ANKRD22: variants seen among roughly 807,000 people sequenced by gnomAD.
ANKRD22 encodes the protein ankyrin repeat domain 22, also known as ankyrin repeat domain-containing protein 22.
ANKRD22 carries 24 observed loss-of-function variants against 25.7 expected under a neutral mutation model. The ratio of observed to expected loss-of-function variants is 0.93; its 90% CI spans 0.68 to 1.31. ANKRD22 has a LOEUF of 1.31. Among genes scored for constraint, ANKRD22 ranks in the 50% most tolerant of loss-of-function variants. The pLI is 0.00. For synonymous variants in ANKRD22, 84 were observed against 84.3 expected, an observed-to-expected ratio of 1.00 and a Z score of 0.02; for missense variants, 214 against 227.1, an observed-to-expected ratio of 0.94 and a Z score of 0.37.
chr10:88,823,817 G>C (rs1471286732), intron 4 of ANKRD22, among the ~76,000 whole-genome samples: 4 of 79,762 alleles, frequency 5.0e-5, no homozygotes, highest in Non-Finnish European at 8.4e-5. Context: ...GACAGAGCGA[G>C]ACTCCGTCTC....
chr10:88,827,254 C>T (rs558587025), intron 3 of ANKRD22, among the ~76,000 whole-genome samples: 1 of 152,314 alleles, frequency 6.6e-6, no homozygotes, highest in African/African-American at 2.4e-5. Flanking sequence ...CCTCCCCTAT[C>T]ATTTCCTCTC....
At chr10:88,836,106 G>A (rs2133076280) in intron 1 of ANKRD22, among the ~76,000 whole-genome samples, 1 of 152,184 alleles carries the variant, frequency 6.6e-6, no homozygotes, top group East Asian at 1.9e-4. Flanking sequence ...CAAGACTATT[G>A]CACACAATTC....
intron 1 of ANKRD22, among the ~76,000 whole-genome samples, chr10:88,839,377 T>A (rs1219231372): frequency 6.6e-6 from 1 of 152,176 alleles, no homozygotes; most frequent in African/African-American, 2.4e-5. Flanking sequence ...AAAGTGCCCC[T>A]CAGTGGGCCA....
At chr10:88,841,410 G>T (rs779109952) in intron 1 of ANKRD22, among the ~76,000 whole-genome samples, 47 of 152,084 alleles carry the variant, frequency 3.1e-4, no homozygotes, top group Non-Finnish European at 4.7e-4. Flanking sequence ...AACCTTTGTG[G>T]TCTTCTTCCA....
At chr10:88,851,038 T>C (rs561241477) in intron 1 of ANKRD22, among the ~76,000 whole-genome samples, 2 of 152,210 alleles carry the variant, frequency 1.3e-5, no homozygotes, top group Middle Eastern at 6.8e-3. Context: ...CAAGTAAAAG[T>C]ACCTCAGTAT....
chr10:88,831,889 C>T lies in ANKRD22; in HGVS notation c.159G>A (p.Val53=), dbSNP rs765308788. ...PLICACRRGH[V]RIVSFLLRRN... The stretch of plus-strand genomic sequence containing the variant: ...TTCTTAAAAGGAAGGAAACGATTCT[C>T]ACATGCCCTCGCCTGCAAGCACAGA... The change falls in exon 2 of 6, where the codon GTG becomes GTA. Residue 53 remains valine (V), a synonymous_variant. Transcript: ENST00000371930. 2.5e-6 allele frequency: 4 copies of T among 1,612,888 alleles called. No homozygotes were observed. The highest frequency in any genetic ancestry group is 1.1e-5 in the South Asian group (1 of 90,856).
intron 4 of ANKRD22, chr10:88,823,633 C>T: frequency 5.7e-6 from 2 of 348,120 alleles, no homozygotes; most frequent in Non-Finnish European, 1.1e-5. Context: ...CGAGACCGTC[C>T]TGGCTAACAC....
chr10:88,824,011 C>T lies in ANKRD22; in HGVS notation c.400-633G>A, dbSNP rs943207420. Among the ~76,000 whole-genome samples, 4 of 152,126 alleles carry T rather than the reference C, an allele frequency of 2.6e-5. No individual in the cohort carries two copies. In the East Asian group the frequency reaches 7.7e-4, roughly 29 times the overall value. On this transcript the variant is annotated intron_variant, in intron 4 of 5. Transcript: ENST00000371930. Reference sequence around the variant, plus strand: ...TGCTATATGCCTCGGTGATCATCACCTTGATCATGTCACCATCTTTCCCTT... The same window carrying T: ...TGCTATATGCCTCGGTGATCATCACTTTGATCATGTCACCATCTTTCCCTT...
chr10:88,826,347 T>C (rs1843856083), intron 3 of ANKRD22, among the ~76,000 whole-genome samples: 1 of 152,176 alleles, frequency 6.6e-6, no homozygotes. Flanking sequence ...ACCTTAGAAA[T>C]GTACTTCTCA....
chr10:88,837,722 A>C (rs1843966822), intron 1 of ANKRD22, among the ~76,000 whole-genome samples: 2 of 152,182 alleles, frequency 1.3e-5, no homozygotes, highest in Admixed American at 1.3e-4. Context: ...CCCACATGTC[A>C]TGGGAGGGAC....
intron 1 of ANKRD22, among the ~76,000 whole-genome samples, chr10:88,849,228 C>T (rs1034450675): frequency 6.6e-6 from 1 of 152,096 alleles, no homozygotes; most frequent in Admixed American, 6.6e-5. Flanking sequence ...CAGCATTTTT[C>T]TTCTTTCCGA....
chr10:88,831,823 T>C lies in ANKRD22; in HGVS notation c.213+12A>G, dbSNP rs748535856. On this transcript the variant is annotated intron_variant, in intron 2 of 5. Transcript: ENST00000371930. ...TGAACAATTACACTCTCCATTCATG[T>C]CATGACCTCACCTGGTTTTTGAGGT... The C allele has an allele frequency of 3.8e-6, 6 of 1,597,494 alleles. No homozygotes were observed. In the South Asian group the frequency reaches 5.7e-5, roughly 15 times the overall value.
At chr10:88,832,910 ACT>A (rs1843920850) in intron 1 of ANKRD22, among the ~76,000 whole-genome samples, 1 of 152,024 alleles carries the variant, frequency 6.6e-6, no homozygotes, top group South Asian at 2.1e-4. Flanking sequence ...TGCCCTGAAT[ACT>A]CTCTCTGCAT....
intron 3 of ANKRD22, 136 bp downstream of exon 3, chr10:88,828,423 A>T: frequency 1.4e-6 from 1 of 707,280 alleles, no homozygotes; most frequent in Non-Finnish European, 2.4e-6. Context: ...TATGTTGAAC[A>T]TGTCAATTAC....
chr10:88,832,351 G>T (rs1843912771), intron 1 of ANKRD22, among the ~76,000 whole-genome samples: 1 of 151,724 alleles, frequency 6.6e-6, no homozygotes, highest in African/African-American at 2.4e-5. Context: ...GGGCCTGTCG[G>T]AAAAGCATTC....
At chr10:88,823,892 C>G (rs979451709) in intron 4 of ANKRD22, among the ~76,000 whole-genome samples, 1 of 151,164 alleles carries the variant, frequency 6.6e-6, no homozygotes, top group Non-Finnish European at 1.5e-5. Flanking sequence ...TCATATAAGC[C>G]ATCAATCTCT....
intron 1 of ANKRD22, among the ~76,000 whole-genome samples, chr10:88,844,849 G>A (rs1417486932): frequency 6.6e-6 from 1 of 152,050 alleles, no homozygotes; most frequent in Non-Finnish European, 1.5e-5. Context: ...CAAATAAAAT[G>A]ACTTATTTTT....
intron 1 of ANKRD22, 136 bp from the exon 2 acceptor site, chr10:88,832,162 T>C (rs1843910453): frequency 1.5e-5 from 15 of 986,784 alleles, no homozygotes; most frequent in Non-Finnish European, 2.9e-6. Context: ...AGGTGAGATT[T>C]TTTGGTCTCA....
chr10:88,830,900 G>A (rs188355140), intron 2 of ANKRD22, among the ~76,000 whole-genome samples: 96 of 152,296 alleles, frequency 6.3e-4, no homozygotes, highest in African/African-American at 1.8e-3. Flanking sequence ...TATAGTCCAC[G>A]ATGTTGCATA....
Sources: gnomAD v4.1 joint callset for allele counts (sites outside exome capture counted in the v4.1 genomes callset) on GRCh38, gnomAD v4.1.1 for gene constraint, MANE v1.5 for transcripts, NCBI Gene and HGNC (gene_info 2026-07-23, HGNC 2026-07-21) for gene names.